Variants in ACADL observed in about 807,000 individuals in gnomAD.
ACADL encodes the protein long-chain specific acyl-CoA dehydrogenase, mitochondrial.
ACADL carries 60 observed loss-of-function variants against 56.9 expected under a neutral mutation model. That is an observed-to-expected ratio of 1.05 (90% confidence interval 0.86 to 1.31). The LOEUF (loss-of-function observed/expected upper bound fraction) is 1.31, where lower values mean the gene tolerates loss of function less well. ACADL is among the 50% of genes most tolerant of loss of function. ACADL has a pLI of 0.00. For synonymous variants in ACADL, 158 were observed against 179.7 expected, an observed-to-expected ratio of 0.88 and a Z score of 0.97; for missense variants, 484 against 525.5, an observed-to-expected ratio of 0.92 and a Z score of 0.77.
intron 5 of ACADL, among the ~76,000 whole-genome samples, chr2:210,207,878 A>C (rs1650385337): frequency 6.6e-6 from 1 of 152,180 alleles, no homozygotes; most frequent in Non-Finnish European, 1.5e-5. Flanking sequence ...TCATATATCT[A>C]TCTTAAGTGC....
chr2:210,205,664 G>A lies in ACADL; in HGVS notation c.736C>T (p.Arg246Ter), dbSNP rs745898652. ...TTTAATCCCATTTTATGTAGCTTTC[G>A]TCCCTTGATAAATCCTTTCATTCCA... ...ENGMKGFIKG[R>*]KLHKMGLKAQ... Residue 246 changes from arginine (R) to a stop codon, truncating the protein, a stop_gained, in exon 6 of 11, where the codon CGA (arginine) becomes TGA (stop). Coordinates refer to ENST00000233710, the MANE Select transcript of ACADL (RefSeq NM_001608.4). LOFTEE classifies it high-confidence loss of function. 145 of 1,613,580 alleles carry A rather than the reference G, an allele frequency of 9.0e-5. No homozygotes were observed. Among genetic ancestry groups the A allele is most frequent in the Non-Finnish European group, 1.0e-4 (123 of 1,179,916 alleles).
intron 8 of ACADL, among the ~76,000 whole-genome samples, chr2:210,195,774 T>C (rs371337697): frequency 1.3e-5 from 2 of 152,236 alleles, no homozygotes; most frequent in East Asian, 1.9e-4. Flanking sequence ...CAGATTTTGC[T>C]ACTCTGCTTC....
At chr2:210,217,857 T>C in intron 3 of ACADL, 108 bp downstream of exon 3, 17 of 1,450,340 alleles carry the variant, frequency 1.2e-5, no homozygotes, top group South Asian at 2.3e-5. Context: ...TTTTCAATCT[T>C]CCAAGATTAG....
At chr2:210,212,457 G>C (rs1260925374) in intron 4 of ACADL, among the ~76,000 whole-genome samples, 4 of 152,034 alleles carry the variant, frequency 2.6e-5, no homozygotes, top group African/African-American at 4.8e-5. Context: ...GAAGAGGAAA[G>C]GAGTGGATCC....
intron 1 of ACADL, among the ~76,000 whole-genome samples, chr2:210,221,418 G>C (rs1022010139): frequency 1.3e-5 from 2 of 152,104 alleles, no homozygotes; most frequent in South Asian, 2.1e-4. Flanking sequence ...CAGTTTTGTA[G>C]CTCCTTTAGT....
intron 8 of ACADL, among the ~76,000 whole-genome samples, chr2:210,201,715 G>A (rs1050179600): frequency 6.6e-6 from 1 of 152,106 alleles, no homozygotes; most frequent in African/African-American, 2.4e-5. Flanking sequence ...TTTTGCTGGT[G>A]AGATGTTTTG....
chr2:210,215,964 CATTCCTATT>C, intron 4 of ACADL, among the ~76,000 whole-genome samples: 1 of 152,262 alleles, frequency 6.6e-6, no homozygotes, highest in East Asian at 1.9e-4. Context: ...TGATCTTATT[CATTCCTATT>C]GTATCAACTC....
chr2:210,201,640 T>C (rs1345106969), intron 8 of ACADL, among the ~76,000 whole-genome samples: 1 of 152,138 alleles, frequency 6.6e-6, no homozygotes, highest in Non-Finnish European at 1.5e-5. Flanking sequence ...TACCTTTCCC[T>C]TCACAAAGCC....
intron 10 of ACADL, among the ~76,000 whole-genome samples, chr2:210,191,132 T>A (rs1233207422): frequency 6.6e-6 from 1 of 152,088 alleles, no homozygotes; most frequent in Non-Finnish European, 1.5e-5. Flanking sequence ...AGGCTGGTCT[T>A]GAACTCTTGA....
chr2:210,198,492 G>A (rs1452903512), intron 8 of ACADL, among the ~76,000 whole-genome samples: 1 of 151,922 alleles, frequency 6.6e-6, no homozygotes, highest in Non-Finnish European at 1.5e-5. Context: ...TACCACACAG[G>A]AAATGACTAA....
chr2:210,214,197 C>A (rs1251149598), intron 4 of ACADL, among the ~76,000 whole-genome samples: 2 of 151,942 alleles, frequency 1.3e-5, no homozygotes, highest in Admixed American at 6.6e-5. Flanking sequence ...CCAAATCAAA[C>A]CAAAAATATA....
chr2:210,202,012 C>T (rs2175140), intron 8 of ACADL, among the ~76,000 whole-genome samples: 1 of 152,128 alleles, frequency 6.6e-6, no homozygotes, highest in African/African-American at 2.4e-5. Context: ...TTTCATACCT[C>T]CCTCACCCTT....
chr2:210,213,752 A>C (rs1280742780), intron 4 of ACADL, among the ~76,000 whole-genome samples: 2 of 152,172 alleles, frequency 1.3e-5, no homozygotes, highest in Non-Finnish European at 2.9e-5. Flanking sequence ...GTGTCAGAAC[A>C]CTCTGGCTCC....
chr2:210,216,484 A>C lies in ACADL; in HGVS notation c.399T>G (p.Gly133=). Residue 133 remains glycine, a synonymous_variant, in exon 4 of 11, where the codon GGT becomes GGG. Coordinates refer to ENST00000233710, the MANE Select transcript of ACADL (RefSeq NM_001608.4). ...TGACAATACCTGAATGAATACTAAA[A>C]CCTGGGCCTGAACAATTTGAATAAG... ...EQAYSNCSGP[G]FSIHSGIVMS... The C allele has an allele frequency of 6.2e-7, 1 of 1,613,484 alleles. No individual in the cohort carries two copies. Among genetic ancestry groups the C allele is most frequent in the Non-Finnish European group, 8.5e-7 (1 of 1,179,598 alleles).
chr2:210,225,097 G>A (rs1197080481), intron 1 of ACADL, 90 bp downstream of exon 1: 2 of 1,520,222 alleles, frequency 1.3e-6, no homozygotes, highest in South Asian at 2.4e-5. Context: ...CGCGCGCACC[G>A]CCCTGCTTCA....
intron 8 of ACADL, among the ~76,000 whole-genome samples, chr2:210,197,342 T>C (rs1190373720): frequency 6.6e-6 from 1 of 152,160 alleles, no homozygotes; most frequent in Non-Finnish European, 1.5e-5. Context: ...ATCAAAACTT[T>C]CTTCCCCGCT....
intron 10 of ACADL, among the ~76,000 whole-genome samples, chr2:210,189,970 A>G (rs1324204979): frequency 6.6e-6 from 1 of 152,038 alleles, no homozygotes; most frequent in Non-Finnish European, 1.5e-5. Flanking sequence ...TCATTGGCCA[A>G]AGCACTTAGA....
intron 9 of ACADL, among the ~76,000 whole-genome samples, chr2:210,193,873 T>C (rs879810735): frequency 1.3e-5 from 2 of 152,078 alleles, no homozygotes; most frequent in Non-Finnish European, 2.9e-5. Context: ...AAAGCAAAAA[T>C]AAGGGTAGAT....
chr2:210,220,766 A>C lies in ACADL; in HGVS notation c.114T>G (p.Thr38=). Reference sequence around the variant, plus strand: ...TATCTGTTAATTTTTTAGCAGAAGGAGTTTCTAGACGTTCTTCCCCTCCGG... The same window carrying C: ...TATCTGTTAATTTTTTAGCAGAAGGCGTTTCTAGACGTTCTTCCCCTCCGG... ...SHSGGEERLE[T]PSAKKLTDIG... is the part of the protein sequence containing the mutation. The change falls in exon 2 of 11, where the codon ACT becomes ACG. Residue 38 remains threonine (T), a synonymous_variant. Coordinates refer to ENST00000233710, the MANE Select transcript of ACADL (RefSeq NM_001608.4). The C allele has an allele frequency of 6.2e-7, 1 of 1,611,268 alleles. No homozygotes were observed. Among genetic ancestry groups the C allele is most frequent in the Non-Finnish European group, 8.5e-7 (1 of 1,178,688 alleles).
Sources: allele counts gnomAD v4.1 joint callset (sites outside exome capture counted in the v4.1 genomes callset), GRCh38; gene constraint gnomAD v4.1.1; transcripts MANE v1.5; gene names NCBI Gene and HGNC (gene_info 2026-07-23, HGNC 2026-07-21).